The following PTPRG variants were observed in gnomAD, a reference collection of about 807,000 sequenced individuals.
PTPRG encodes the protein receptor-type tyrosine-protein phosphatase gamma.
Under a neutral mutation model 165.3 loss-of-function variants are expected in PTPRG, and 102 were observed. The observed-to-expected ratio is 0.62, with a 90% confidence interval of 0.53 to 0.73. PTPRG has a LOEUF of 0.73. Among genes scored for constraint, PTPRG ranks in the 30% least tolerant of loss-of-function variants. PTPRG has a pLI of 0.00. For missense variants in PTPRG, 1,866 were observed against 1,861.4 expected (o/e 1.00, Z -0.05); for synonymous variants, 675 against 669.5 (o/e 1.01, Z -0.13).
intron 26 of PTPRG, among the ~76,000 whole-genome samples, chr3:62,281,090 C>G (rs1264273812): frequency 6.6e-6 from 1 of 151,980 alleles, no homozygotes; most frequent in Non-Finnish European, 1.5e-5. Context: ...CTGTATGTAT[C>G]CAACATCATA....
chr3:61,714,041 C>G (rs2031693729), intron 1 of PTPRG, among the ~76,000 whole-genome samples: 1 of 152,164 alleles, frequency 6.6e-6, no homozygotes. Flanking sequence ...GAGATTTGAA[C>G]TGAATGATCT....
intron 1 of PTPRG, among the ~76,000 whole-genome samples, chr3:61,743,622 T>C (rs1454050591): frequency 6.6e-6 from 1 of 152,154 alleles, no homozygotes; most frequent in Non-Finnish European, 1.5e-5. Flanking sequence ...ATAACTGATA[T>C]TCCAATTTCT....
intron 2 of PTPRG, among the ~76,000 whole-genome samples, chr3:61,866,280 C>T (rs1425791820): frequency 6.6e-6 from 1 of 152,172 alleles, no homozygotes; most frequent in African/African-American, 2.4e-5. Context: ...CATCCTGATA[C>T]AGATGATTTC....
chr3:61,772,500 T>C (rs1245822258), intron 2 of PTPRG, among the ~76,000 whole-genome samples: 1 of 152,178 alleles, frequency 6.6e-6, no homozygotes, highest in African/African-American at 2.4e-5. Flanking sequence ...GAAAAATGAA[T>C]AATGTAACCT....
chr3:61,595,456 T>A (rs1010923232), intron 1 of PTPRG, among the ~76,000 whole-genome samples: 1 of 152,240 alleles, frequency 6.6e-6, no homozygotes, highest in African/African-American at 2.4e-5. Context: ...GTCAGCAGTG[T>A]TGCAATTCCA....
chr3:62,267,576 A>G (rs1395863049), intron 18 of PTPRG, 84 bp downstream of exon 18: 3 of 1,525,248 alleles, frequency 2.0e-6, no homozygotes, highest in Non-Finnish European at 2.7e-6. Context: ...AATACTGTAC[A>G]GAGCTTTCAC....
At chr3:61,748,037 A>G (rs2033280520) in intron 1 of PTPRG, among the ~76,000 whole-genome samples, 1 of 152,260 alleles carries the variant, frequency 6.6e-6, no homozygotes, top group Non-Finnish European at 1.5e-5. Flanking sequence ...GAAGCTCTCC[A>G]TAATGGGTGA....
At position 61,943,117 on chromosome 3, in the gene PTPRG, A is replaced by G. The variant is rs895148538; in HGVS notation, c.191-46508A>G. ...TTTTCATGACAACTTTTTTTTCCTG[A>G]TGTTCAGGTACCAAACACAGAAAAA... On this transcript the variant is annotated intron_variant, in intron 2 of 29. Transcript: ENST00000474889. Among the ~76,000 whole-genome samples the G allele has an allele frequency of 5.3e-5, 8 of 152,146 alleles. 1 individual carries two copies. Among genetic ancestry groups the G allele is most frequent in the Admixed American group, 5.2e-4 (8 of 15,292 alleles).
At chr3:62,247,555 C>A (rs1701315741) in intron 15 of PTPRG, among the ~76,000 whole-genome samples, 3 of 152,014 alleles carry the variant, frequency 2.0e-5, no homozygotes, top group Admixed American at 2.0e-4. Context: ...AAAAATCTCC[C>A]CTCTCATCTC....
At position 62,293,543 on chromosome 3, in the gene PTPRG, G is replaced by C; in HGVS notation, c.*236G>C. On this transcript the variant is annotated 3_prime_UTR_variant, in exon 30 of 30. Transcript: ENST00000474889. ...TTACCTAGTTTGCACTATATGATCAGTGTTACTGCCTATAATCTTATACAA... is the reference window on the plus strand; with the variant it reads ...TTACCTAGTTTGCACTATATGATCACTGTTACTGCCTATAATCTTATACAA... The C allele has an allele frequency of 2.9e-6, 1 of 346,912 alleles. No homozygotes were observed. The highest frequency in any genetic ancestry group is 5.2e-6 in the Non-Finnish European group (1 of 192,558). The allele number at this position is 346,912 out of a possible 1,614,324, so 21.5% of individuals were successfully genotyped here. A position where few individuals can be genotyped will look rare whatever the true frequency, so the allele number is the denominator to read the frequency against.
At chr3:62,293,090 T>C in intron 29 of PTPRG, 71 bp from the exon 30 acceptor site, 4 of 1,281,840 alleles carry the variant, frequency 3.1e-6, no homozygotes, top group Non-Finnish European at 4.2e-6. Flanking sequence ...ACCATTTTAA[T>C]TGGTATTTCC....
chr3:62,107,487 C>G (rs1702513160), intron 5 of PTPRG, among the ~76,000 whole-genome samples: 3 of 152,204 alleles, frequency 2.0e-5, no homozygotes, highest in Non-Finnish European at 4.4e-5. Flanking sequence ...CAATAACCTG[C>G]TAACTTGAAG....
chr3:62,244,606 T>A (rs1701249328), intron 15 of PTPRG, among the ~76,000 whole-genome samples: 1 of 152,178 alleles, frequency 6.6e-6, no homozygotes, highest in African/African-American at 2.4e-5. Flanking sequence ...CATTACTCTT[T>A]TGCAAACAGA....
chr3:61,713,327 A>ATTTTTTTTTTTTTTT (rs556907427), intron 1 of PTPRG, among the ~76,000 whole-genome samples: 2 of 135,504 alleles, frequency 1.5e-5, no homozygotes, highest in Non-Finnish European at 3.2e-5. Flanking sequence ...CGCTCAGCTA[A>ATTTTTTTTTTTTTTT]TTTTTTTTTT....
At chr3:61,792,162 AG>A (rs2034895233) in intron 2 of PTPRG, among the ~76,000 whole-genome samples, 1 of 151,888 alleles carries the variant, frequency 6.6e-6, no homozygotes, top group Non-Finnish European at 1.5e-5. Flanking sequence ...GGACTCTGGC[AG>A]GCACATGACT....
chr3:61,698,043 A>T (rs1435212184), intron 1 of PTPRG, among the ~76,000 whole-genome samples: 2 of 152,112 alleles, frequency 1.3e-5, no homozygotes, highest in Non-Finnish European at 2.9e-5. Context: ...TCTTCATCAA[A>T]CATAGGCATA....
intron 28 of PTPRG, among the ~76,000 whole-genome samples, chr3:62,287,516 A>AACTT (rs1180362476): frequency 5.9e-5 from 9 of 152,122 alleles, no homozygotes; most frequent in African/African-American, 1.4e-4. Flanking sequence ...TGAAACTAAA[A>AACTT]ACTTAAAAGA....
intron 6 of PTPRG, among the ~76,000 whole-genome samples, chr3:62,153,712 A>C (rs542158515): frequency 1.4e-5 from 2 of 138,084 alleles, no homozygotes; most frequent in Admixed American, 6.9e-5. Flanking sequence ...GCTCTTTCTG[A>C]ACCTCTTTCT....
intron 2 of PTPRG, among the ~76,000 whole-genome samples, chr3:61,755,824 T>A (rs147534975): frequency 2.0e-5 from 3 of 152,264 alleles, no homozygotes; most frequent in African/African-American, 7.2e-5. Context: ...ATTCTACTAG[T>A]GACATAGAAC....
Sources: gnomAD v4.1 joint callset for allele counts (sites outside exome capture counted in the v4.1 genomes callset) on GRCh38, gnomAD v4.1.1 for gene constraint, MANE v1.5 for transcripts, NCBI Gene and HGNC (gene_info 2026-07-23, HGNC 2026-07-21) for gene names.